Variants in RYR2 observed in about 807,000 individuals in gnomAD.
RYR2 encodes cardiac muscle ryanodine receptor-calcium release channel.
In RYR2, 227 loss-of-function variants were observed where a neutral mutation model predicts 601.1. The ratio of observed to expected loss-of-function variants is 0.38; its 90% CI spans 0.34 to 0.42. The LOEUF is 0.42. RYR2 is among the 10% of genes least tolerant of loss of function. The pLI is 1.00. For synonymous variants in RYR2, 2,223 were observed against 2,175.1 expected (o/e 1.02, Z -0.61); for missense variants, 4,646 against 6,156.5 (o/e 0.75, Z 8.21).
In RYR2 at chr1:237,677,971, C is replaced by T; in HGVS notation, c.8831-77C>T. The T allele has an allele frequency of 9.9e-6, 9 of 911,940 alleles. 1 individual carries two copies. Among genetic ancestry groups the T allele is most frequent in the South Asian group, 9.9e-5 (7 of 70,980 alleles). The allele number at this position is 911,940 out of a possible 1,614,324, so 56.5% of individuals were successfully genotyped here. On this transcript the variant is annotated intron_variant, in intron 60 of 104. Transcript: ENST00000366574. Reference sequence around the variant, plus strand: ...GGGATAATACATTTAGCAATGCTTTCTAACCTTTGCATTATGGATGAATAT... The same window carrying T: ...GGGATAATACATTTAGCAATGCTTTTTAACCTTTGCATTATGGATGAATAT...
chr1:237,290,000 T>C (rs1205485028), intron 2 of RYR2, among the ~76,000 whole-genome samples: 1 of 152,206 alleles, frequency 6.6e-6, no homozygotes, highest in African/African-American at 2.4e-5. Context: ...AAATTCAGCA[T>C]GAGTTTACAA....
rs139453876 is a variant in RYR2 at position 237,429,738 on chromosome 1, TCTTA to T, written c.1005+6495_1005+6498del. 4.7e-3 allele frequency among the ~76,000 whole-genome samples: 713 copies of T among 152,290 alleles called. 8 individuals carry two copies. Among genetic ancestry groups the T allele is most frequent in the African/African-American group, 0.016 (677 of 41,558 alleles). On this transcript the variant is annotated intron_variant, in intron 12 of 104. Transcript: ENST00000366574. The stretch of plus-strand genomic sequence containing the variant: ...GTATATTAACATACTTCAAAAATAT[TCTTA>T]CTTATATAGCCTTTCATCTGTTGAT...
rs551272457 is a variant in RYR2, at chr1:237,629,677, C to A, written c.6440+1597C>A. Among the ~76,000 whole-genome samples, 413 of 151,718 alleles carry A rather than the reference C, an allele frequency of 2.7e-3. 1 individual carries two copies. The highest frequency in any genetic ancestry group is 9.5e-3 in the African/African-American group (395 of 41,432). ...CTTAGAGTTAATTCTTTGAAAAAAA[C>A]GAATAAAATGGAATACCAAGTTTTT... On this transcript the variant is annotated intron_variant, in intron 41 of 104. Transcript: ENST00000366574.
chr1:237,108,034 C>A (rs1268339057), intron 1 of RYR2, among the ~76,000 whole-genome samples: 1 of 152,210 alleles, frequency 6.6e-6, no homozygotes, highest in South Asian at 2.1e-4. Context: ...TTAGAGCTAA[C>A]CTTCCTGGTG....
chr1:237,561,780 G>A (rs1428697145), intron 27 of RYR2, among the ~76,000 whole-genome samples: 1 of 152,166 alleles, frequency 6.6e-6, no homozygotes, highest in Non-Finnish European at 1.5e-5. Flanking sequence ...GTTTACAATA[G>A]CAATATAACT....
intron 1 of RYR2, among the ~76,000 whole-genome samples, chr1:237,059,395 C>A (rs1472627340): frequency 6.6e-6 from 1 of 152,084 alleles, no homozygotes; most frequent in Non-Finnish European, 1.5e-5. Context: ...TGAGTAATGA[C>A]ACCCTCTTTT....
chr1:237,363,919 C>T (rs373569845), intron 4 of RYR2, among the ~76,000 whole-genome samples: 2 of 152,160 alleles, frequency 1.3e-5, no homozygotes, highest in African/African-American at 4.8e-5. Flanking sequence ...TACGATCTAC[C>T]TTACCTGTTT....
chr1:237,498,164 C>G (rs1664271089), intron 20 of RYR2, among the ~76,000 whole-genome samples: 1 of 152,018 alleles, frequency 6.6e-6, no homozygotes. Context: ...CCGTACCCAG[C>G]CTCAATTTTT....
intron 36 of RYR2, among the ~76,000 whole-genome samples, chr1:237,612,510 T>C (rs558831911): frequency 1.3e-5 from 2 of 152,192 alleles, no homozygotes; most frequent in Non-Finnish European, 2.9e-5. Flanking sequence ...TTTTATGTAT[T>C]ACATATGTAT....
intron 1 of RYR2, among the ~76,000 whole-genome samples, chr1:237,052,307 G>A (rs553304018): frequency 6.6e-6 from 1 of 152,260 alleles, no homozygotes; most frequent in Non-Finnish European, 1.5e-5. Flanking sequence ...GGGTCCAAAA[G>A]GTGAAGAGAT....
At chr1:237,364,107 T>G (rs1258671250) in intron 4 of RYR2, among the ~76,000 whole-genome samples, 1 of 152,166 alleles carries the variant, frequency 6.6e-6, no homozygotes. Flanking sequence ...TAGAGCAGCA[T>G]GTTTTCACAG....
At chr1:237,636,004 T>C (rs1422844892) in intron 44 of RYR2, among the ~76,000 whole-genome samples, 3 of 148,192 alleles carry the variant, frequency 2.0e-5, no homozygotes, top group Non-Finnish European at 4.5e-5. Context: ...ACATCCATGC[T>C]GTGTAAAACT....
intron 8 of RYR2, among the ~76,000 whole-genome samples, chr1:237,381,251 C>CAAA (rs60493059): frequency 0.16 from 7,177 of 45,242 alleles, 926 homozygotes; most frequent in East Asian, 0.32. Context: ...GACTCCGTCT[C>CAAA]AAAAAAAAAA....
intron 35 of RYR2, among the ~76,000 whole-genome samples, chr1:237,607,973 C>T (rs538456254): frequency 6.6e-6 from 1 of 152,166 alleles, no homozygotes; most frequent in Non-Finnish European, 1.5e-5. Context: ...AATTTATATA[C>T]TCAATAAATT....
intron 1 of RYR2, among the ~76,000 whole-genome samples, chr1:237,066,791 A>G (rs1056598764): frequency 2.6e-5 from 4 of 151,834 alleles, no homozygotes; most frequent in African/African-American, 9.7e-5. Flanking sequence ...GCAGGCGCCC[A>G]CCACCACACC....
At chr1:237,240,665 CAAAA>C (rs35984919) in intron 1 of RYR2, among the ~76,000 whole-genome samples, 1 of 55,146 alleles carries the variant, frequency 1.8e-5, no homozygotes, top group Non-Finnish European at 3.3e-5. Context: ...CTATAAAAGC[CAAAA>C]AAAAAAAAAA....
intron 80 of RYR2, among the ~76,000 whole-genome samples, chr1:237,750,152 C>T (rs1692423725): frequency 6.6e-6 from 1 of 151,056 alleles, no homozygotes. Context: ...TCTCAAAAAA[C>T]AAAAAAAGAA....
rs895236291 is a variant in RYR2 at position 237,818,024 on chromosome 1, C to G, written c.14434-1012C>G. 1.4e-4 allele frequency among the ~76,000 whole-genome samples: 21 copies of G among 152,152 alleles called. 1 individual carries two copies. The highest frequency in any genetic ancestry group is 9.8e-4 in the Admixed American group (15 of 15,284). ...GAATGTACGAGCAAAGATCTGGAAT[C>G]AGGAATAGTTCACTTGGAGGAGGTA... is the stretch of plus-strand genomic sequence containing the variant. On this transcript the variant is annotated intron_variant, in intron 100 of 104. Coordinates refer to ENST00000366574, the MANE Select transcript of RYR2 (RefSeq NM_001035.3).
intron 1 of RYR2, among the ~76,000 whole-genome samples, chr1:237,120,155 G>C (rs1345944195): frequency 6.6e-6 from 1 of 152,048 alleles, no homozygotes; most frequent in African/African-American, 2.4e-5. Context: ...TCTATAAAAT[G>C]GTTTAATAGT....
Sources: gnomAD v4.1 joint callset for allele counts (sites outside exome capture counted in the v4.1 genomes callset) on GRCh38, gnomAD v4.1.1 for gene constraint, MANE v1.5 for transcripts, NCBI Gene and HGNC (gene_info 2026-07-23, HGNC 2026-07-21) for gene names.